Variants in ANK2 observed in about 807,000 individuals in gnomAD.
ANK2 encodes the protein ankyrin-2.
In ANK2, 83 loss-of-function variants were observed where a neutral mutation model predicts 360.5. The ratio of observed to expected loss-of-function variants is 0.23; its 90% CI spans 0.19 to 0.28. The LOEUF is 0.28. Among genes scored for constraint, ANK2 ranks in the 10% least tolerant of loss-of-function variants. ANK2 has a pLI of 1.00. For synonymous variants in ANK2, 1,740 were observed against 1,759.5 expected (o/e 0.99, Z 0.28); for missense variants, 4,201 against 4,795.7 (o/e 0.88, Z 3.66).
intron 1 of ANK2, among the ~76,000 whole-genome samples, chr4:113,173,093 T>G (rs1038688628): frequency 5.9e-5 from 9 of 152,212 alleles, no homozygotes; most frequent in African/African-American, 2.2e-4. Context: ...TGTATAGATT[T>G]CAGTCACACC....
the ANK2 span, among the ~76,000 whole-genome samples, chr4:112,806,799 C>G: frequency 6.6e-6 from 1 of 152,148 alleles, no homozygotes; most frequent in Non-Finnish European, 1.5e-5. Context: ...CCACTGTACT[C>G]CAGCCTAGGT....
chr4:113,174,360 T>C lies in ANK2; in HGVS notation c.85-56T>C, dbSNP rs1338268953. 1.2e-5 allele frequency: 17 copies of C among 1,403,226 alleles called. No individual in the cohort carries two copies. In the East Asian group the frequency reaches 3.6e-4, roughly 29 times the overall value. The allele number at this position is 1,403,226 out of a possible 1,614,324, so 86.9% of individuals were successfully genotyped here. A position where few individuals can be genotyped will look rare whatever the true frequency, so the allele number is the denominator to read the frequency against. ...TGTAAACATTCTTGTCTTTCTGTAT[T>C]GGATACATTTCTATTTCATCAATAG... On this transcript the variant is annotated intron_variant, in intron 1 of 45. Coordinates refer to ENST00000357077, the MANE Select transcript of ANK2 (RefSeq NM_001148.6).
intron 10 of ANK2, among the ~76,000 whole-genome samples, chr4:113,253,551 T>TA (rs2047646450): frequency 6.6e-6 from 1 of 152,142 alleles, no homozygotes; most frequent in Non-Finnish European, 1.5e-5. Context: ...TTATCCTTCT[T>TA]ATCTCAACAA....
chr4:113,114,418 C>T (rs13148213), intron 1 of ANK2, among the ~76,000 whole-genome samples: 103,267 of 152,082 alleles, frequency 0.68, 35,309 homozygotes, highest in African/African-American at 0.69. Flanking sequence ...TTGTGCAATG[C>T]GTATGTCGGT....
intron 2 of ANK2, among the ~76,000 whole-genome samples, chr4:113,189,475 A>G (rs761584735): frequency 2.0e-5 from 3 of 152,226 alleles, no homozygotes; most frequent in Non-Finnish European, 4.4e-5. Flanking sequence ...AACAATAAAT[A>G]GTCAACAAAT....
At chr4:112,815,243 T>G (rs2055551064), upstream of ANK2, among the ~76,000 whole-genome samples, 1 of 152,186 alleles carries the variant, frequency 6.6e-6, no homozygotes, top group Admixed American at 6.5e-5. Context: ...TTAGCAACTA[T>G]ATTTCAGATA....
intron 43 of ANK2, chr4:113,372,726 G>C: frequency 1.3e-6 from 1 of 786,472 alleles, no homozygotes; most frequent in Non-Finnish European, 2.0e-6. Context: ...TCCTTAGGTA[G>C]TGCATGGCCA....
In ANK2 at chr4:113,089,240, A is replaced by G. The variant is rs551132474; in HGVS notation, c.84+39428A>G. Among the ~76,000 whole-genome samples, 323 of 152,322 alleles carry G rather than the reference A, an allele frequency of 2.1e-3. 1 individual carries two copies. The highest frequency in any genetic ancestry group is 0.01 in the Middle Eastern group (3 of 294). On this transcript the variant is annotated intron_variant, in intron 1 of 45. Transcript: ENST00000357077. ...GGAACTGTAAACATTTCATGACCAT[A>G]TGCCATCAGTCACTATTCTTTTCTG...
At chr4:113,037,699 A>G (rs968692293) in intron 2 of ANK2, among the ~76,000 whole-genome samples, 1 of 151,968 alleles carries the variant, frequency 6.6e-6, no homozygotes, top group African/African-American at 2.4e-5. Flanking sequence ...CCAAGTCACA[A>G]TTTGTTCTTG....
At chr4:112,832,196 C>T (rs890077451) in intron 1 of ANK2, among the ~76,000 whole-genome samples, 3 of 152,188 alleles carry the variant, frequency 2.0e-5, no homozygotes, top group East Asian at 1.9e-4. Context: ...GGACTACAGG[C>T]GTGAGCCACC....
At chr4:113,342,422 C>T (rs1268233885) in intron 33 of ANK2, among the ~76,000 whole-genome samples, 5 of 151,992 alleles carry the variant, frequency 3.3e-5, no homozygotes, top group Non-Finnish European at 5.9e-5. Flanking sequence ...CCAAGCAGGC[C>T]AGGTGTGGTG....
intron 3 of ANK2, among the ~76,000 whole-genome samples, chr4:113,197,492 G>C (rs903568152): frequency 6.6e-6 from 1 of 152,204 alleles, no homozygotes; most frequent in Non-Finnish European, 1.5e-5. Context: ...ACCAAGCCTT[G>C]AATGTGATAA....
At chr4:112,847,385 T>C (rs1372788110) in intron 1 of ANK2, among the ~76,000 whole-genome samples, 1 of 152,206 alleles carries the variant, frequency 6.6e-6, no homozygotes, top group Non-Finnish European at 1.5e-5. Flanking sequence ...TCTTTATATC[T>C]TACTCTCCAC....
At chr4:113,155,175 C>T (rs757435030) in intron 1 of ANK2, among the ~76,000 whole-genome samples, 3 of 152,154 alleles carry the variant, frequency 2.0e-5, no homozygotes, top group Non-Finnish European at 2.9e-5. Context: ...TTACTACTGA[C>T]ATTAGCTTTG....
At chr4:113,197,286 G>T (rs2098761810) in intron 3 of ANK2, among the ~76,000 whole-genome samples, 3 of 152,168 alleles carry the variant, frequency 2.0e-5, no homozygotes, top group Admixed American at 1.3e-4. Flanking sequence ...CATTTTAAAA[G>T]AAATGCACGG....
At position 113,145,149 on chromosome 4, in the gene ANK2, C is replaced by T. The variant is rs374001319; in HGVS notation, c.85-29267C>T. The stretch of plus-strand genomic sequence containing the variant: ...TGGCACAATCATGAATAATGACAAA[C>T]TACACAATTATAAAAACCAAAACTT... On this transcript the variant is annotated intron_variant, in intron 1 of 45. Transcript: ENST00000357077. Among the ~76,000 whole-genome samples the T allele has an allele frequency of 5.5e-4, 83 of 152,244 alleles. No individual in the cohort carries two copies. In the South Asian group the frequency reaches 7.3e-3, roughly 13 times the overall value.
intron 1 of ANK2, among the ~76,000 whole-genome samples, chr4:112,835,398 AT>A (rs1382118861): frequency 6.6e-6 from 1 of 152,040 alleles, no homozygotes; most frequent in Non-Finnish European, 1.5e-5. Context: ...GTTTGTTTAT[AT>A]TTTTTCCAAC....
chr4:113,158,238 A>G (rs931972118), intron 1 of ANK2, among the ~76,000 whole-genome samples: 1 of 152,232 alleles, frequency 6.6e-6, no homozygotes, highest in African/African-American at 2.4e-5. Flanking sequence ...GAATCATGTA[A>G]AAATGAAGAA....
At chr4:113,047,880 C>G (rs1326533751), upstream of ANK2, among the ~76,000 whole-genome samples, 2 of 151,916 alleles carry the variant, frequency 1.3e-5, no homozygotes, top group Non-Finnish European at 2.9e-5. Context: ...AGAGAAGGAG[C>G]AATCCTAACA....
Sources: allele counts gnomAD v4.1 joint callset (sites outside exome capture counted in the v4.1 genomes callset), GRCh38; gene constraint gnomAD v4.1.1; transcripts MANE v1.5; gene names NCBI Gene and HGNC (gene_info 2026-07-23, HGNC 2026-07-21).